CCT6B: variants seen among roughly 807,000 people sequenced by gnomAD.
CCT6B encodes the protein chaperonin containing TCP1 subunit 6B, also known as probable T-complex protein 1 subunit zeta-2.
Under a neutral mutation model 61.5 loss-of-function variants are expected in CCT6B, and 49 were observed. That is an observed-to-expected ratio of 0.80 (90% CI 0.63 to 1.01). The LOEUF is 1.01. Ranked by LOEUF, CCT6B falls within the 50% of genes least tolerant of loss-of-function variation. The pLI is 0.00. For missense variants in CCT6B, 666 were observed against 634.7 expected, an observed-to-expected ratio of 1.05 and a Z score of -0.53; for synonymous variants, 228 against 214.5, an observed-to-expected ratio of 1.06 and a Z score of -0.55.
rs200490442 is a variant in CCT6B, at chr17:34,928,925, T to G, written c.1523+37A>C. On this transcript the variant is annotated intron_variant, in intron 13 of 13. Coordinates refer to ENST00000314144, the MANE Select transcript of CCT6B (RefSeq NM_006584.4). ...TCATCTTAATATTATCAATTATAAC[T>G]CTACAGGTCTTTCACTTTATGTTCA... 10 of 1,137,956 alleles carry G rather than the reference T, an allele frequency of 8.8e-6. No individual in the cohort carries two copies. In the African/African-American group the frequency reaches 1.5e-4, roughly 18 times the overall value. 70.5% of individuals were successfully genotyped at this position (1,137,956 alleles called of 1,614,324 possible).
intron 9 of CCT6B, 40 bp from the exon 10 acceptor site, chr17:34,939,370 T>C (rs1020624501): frequency 1.3e-6 from 2 of 1,518,436 alleles, no homozygotes; most frequent in Non-Finnish European, 1.8e-6. Context: ...TAATATTTGA[T>C]GTCATTATAA....
At chr17:34,957,136 T>A (rs2090356404) in intron 3 of CCT6B, among the ~76,000 whole-genome samples, 2 of 125,760 alleles carry the variant, frequency 1.6e-5, no homozygotes, top group South Asian at 5.7e-4. Flanking sequence ...CTTTCCTTTT[T>A]CTTTCCATTT....
intron 4 of CCT6B, among the ~76,000 whole-genome samples, chr17:34,953,244 CAAT>C (rs923039108): frequency 6.6e-6 from 1 of 150,972 alleles, no homozygotes; most frequent in African/African-American, 2.4e-5. Flanking sequence ...AGCTGAAAAA[CAAT>C]AATGATATCA....
At chr17:34,929,988 T>G (rs2090017766) in intron 12 of CCT6B, among the ~76,000 whole-genome samples, 1 of 152,212 alleles carries the variant, frequency 6.6e-6, no homozygotes, top group Non-Finnish European at 1.5e-5. Context: ...CACAGTTGAT[T>G]GCAACTCCAA....
rs577930141 is a variant in CCT6B at position 34,930,985 on chromosome 17, C to G, written c.1414G>C (p.Glu472Gln). Residue 472 changes from glutamate (E) to glutamine (Q), a missense_variant, in exon 12 of 14, where the codon GAG becomes CAG. Coordinates refer to ENST00000314144, the MANE Select transcript of CCT6B (RefSeq NM_006584.4). Reference sequence around the variant, plus strand: ...TCTACGCCCACAAGTTGTTTTGACTCGACATGCTCAGCCTGAACTTTTACT... The same window carrying G: ...TCTACGCCCACAAGTTGTTTTGACTGGACATGCTCAGCCTGAACTTTTACT... Reference protein sequence around the residue: ...TLVKVQAEHVESKQLVGVDLN... With the variant: ...TLVKVQAEHVQSKQLVGVDLN... 1 of 1,605,666 alleles carries G rather than the reference C, an allele frequency of 6.2e-7. No individual in the cohort carries two copies. Among genetic ancestry groups the G allele is most frequent in the East Asian group, 2.2e-5 (1 of 44,684 alleles).
Position 34,932,378 on chromosome 17 carries a change from T to A in CCT6B, c.1336A>T (p.Ile446Phe), listed in dbSNP as rs569383605. The A allele has an allele frequency of 6.2e-7, 1 of 1,608,284 alleles. No homozygotes were observed. Among genetic ancestry groups the A allele is most frequent in the Admixed American group, 1.7e-5 (1 of 58,680 alleles). The change falls in exon 11 of 14, where the codon ATT becomes TTT. Residue 446 changes from isoleucine (I) to phenylalanine (F), a missense_variant. Ile to Phe is a conservative substitution (Grantham distance 21). Transcript: ENST00000314144. The stretch of plus-strand genomic sequence containing the variant: ...AAGGGTAGTTGTACCTTGGGAATAA[T>A]GAGTAAGGCATCAGCAAAAGCTTGG... ...GVQAFADALL[I>F]IPKVLAQNAG...
chr17:34,935,174 C>T (rs1370659750), intron 10 of CCT6B, among the ~76,000 whole-genome samples: 3 of 152,032 alleles, frequency 2.0e-5, no homozygotes, highest in Admixed American at 1.3e-4. Flanking sequence ...CTGTATGATT[C>T]CAATTATATG....
Position 34,940,207 on chromosome 17 carries a change from C to T in CCT6B, c.968+332G>A, listed in dbSNP as rs546730960. Among the ~76,000 whole-genome samples the T allele has an allele frequency of 2.0e-4, 31 of 152,164 alleles. No individual in the cohort carries two copies. The East Asian group carries it at 3.7e-3, about 18-fold the overall frequency. ...TCCCACTGCCCCAGCCCCTGGTAAC[C>T]GCCATTCTACTATCTACTTCTATGA... is the stretch of plus-strand genomic sequence containing the variant. On this transcript the variant is annotated intron_variant, in intron 8 of 13. Transcript: ENST00000314144.
intron 13 of CCT6B, among the ~76,000 whole-genome samples, 159 bp from the exon 14 acceptor site, chr17:34,928,276 T>C (rs1254989962): frequency 3.3e-5 from 5 of 149,460 alleles, no homozygotes; most frequent in Non-Finnish European, 7.4e-5. Flanking sequence ...AATGTCACCT[T>C]TTTTTTTTTT....
At chr17:34,930,464 T>G (rs1378357471) in intron 12 of CCT6B, among the ~76,000 whole-genome samples, 1 of 152,168 alleles carries the variant, frequency 6.6e-6, no homozygotes, top group Admixed American at 6.6e-5. Flanking sequence ...CCTAGAACAC[T>G]TAACCCCAGT....
At position 34,952,021 on chromosome 17, in the gene CCT6B, T is replaced by G; in HGVS notation, c.543A>C (p.Arg181Ser). ...VVVDSVLAVR[R>S]PGYPIDLFMV... ...TGAAGAGATCAATAGGGTAACCTGG[T>G]CTTCTAACAGCCAAAACAGAATCCA... Residue 181 changes from arginine (R) to serine (S), a missense_variant, in exon 5 of 14, where the codon AGA becomes AGC. Transcript: ENST00000314144. The G allele has an allele frequency of 6.2e-7, 1 of 1,609,766 alleles. No homozygotes were observed. Among genetic ancestry groups the G allele is most frequent in the Non-Finnish European group, 8.5e-7 (1 of 1,176,870 alleles).
chr17:34,958,643 C>T lies in CCT6B; in HGVS notation c.253G>A (p.Asp85Asn), dbSNP rs190998321. 6.2e-7 allele frequency: 1 copy of T among 1,603,082 alleles called. No homozygotes were observed. The highest frequency in any genetic ancestry group is 2.2e-5 in the East Asian group (1 of 44,560). Residue 85 changes from aspartate (D) to asparagine (N), a missense_variant, in exon 3 of 14, where the codon GAT (aspartate) becomes AAT (asparagine). Asp to Asn is a conservative substitution (Grantham distance 23). Coordinates refer to ENST00000314144, the MANE Select transcript of CCT6B (RefSeq NM_006584.4). ...SLIAKVATAQ[D>N]DVTGDGTTSN... ...GTAGTACCATCTCCTGTGACGTCATCCTGAGCTGTTGCTACTTTTGCTATC... is the reference window on the plus strand; with the variant it reads ...GTAGTACCATCTCCTGTGACGTCATTCTGAGCTGTTGCTACTTTTGCTATC...
At chr17:34,941,849 C>A (rs909140597) in intron 7 of CCT6B, among the ~76,000 whole-genome samples, 7 of 152,146 alleles carry the variant, frequency 4.6e-5, no homozygotes, top group Non-Finnish European at 5.9e-5. Context: ...CCAGCCTGCA[C>A]AACATGGCAA....
At position 34,942,605 on chromosome 17, in the gene CCT6B, T is replaced by C. The variant is rs771448445; in HGVS notation, c.764A>G (p.Glu255Gly). Residue 255 changes from glutamate to glycine, a missense_variant, in exon 7 of 14, where the codon GAG becomes GGG. Glu to Gly is a moderately conservative substitution (Grantham distance 98, BLOSUM62 -2). Coordinates refer to ENST00000314144, the MANE Select transcript of CCT6B (RefSeq NM_006584.4). ...NSGFFYKTAE[E>G]KEKLVKAERK... ...TTCAGCTTTTACCAATTTCTCTTTC[T>C]CTTCTGCAGTCTTATAAAAGAAACC... The C allele has an allele frequency of 6.2e-7, 1 of 1,601,776 alleles. No individual in the cohort carries two copies. The highest frequency in any genetic ancestry group is 1.8e-5 in the Admixed American group (1 of 56,770).
At chr17:34,937,367 T>C (rs1263245802) in intron 10 of CCT6B, among the ~76,000 whole-genome samples, 5 of 152,156 alleles carry the variant, frequency 3.3e-5, no homozygotes, top group Middle Eastern at 3.4e-3. Flanking sequence ...AACATTAAAA[T>C]AGACAAATGC....
chr17:34,945,752 A>G (rs2090216613), intron 5 of CCT6B, among the ~76,000 whole-genome samples: 1 of 152,204 alleles, frequency 6.6e-6, no homozygotes, highest in South Asian at 2.1e-4. Flanking sequence ...AACTGAGATC[A>G]GTCCTACTAT....
chr17:34,930,360 C>T (rs1028741657), intron 12 of CCT6B, among the ~76,000 whole-genome samples: 3 of 152,212 alleles, frequency 2.0e-5, no homozygotes, highest in Non-Finnish European at 4.4e-5. Context: ...GAGACTGGTC[C>T]AAATGCCCCT....
intron 5 of CCT6B, among the ~76,000 whole-genome samples, chr17:34,951,566 T>C (rs1298756481): frequency 6.6e-6 from 1 of 152,208 alleles, no homozygotes; most frequent in Non-Finnish European, 1.5e-5. Flanking sequence ...CCAGGCACAC[T>C]GTAACAACCT....
At chr17:34,951,893 A>C in intron 5 of CCT6B, 57 bp downstream of exon 5, 1 of 777,058 alleles carries the variant, frequency 1.3e-6, no homozygotes, top group Non-Finnish European at 2.1e-6. Context: ...AATTTAATAA[A>C]AGAATATCTT....
Sources: gnomAD v4.1 joint callset for allele counts (sites outside exome capture counted in the v4.1 genomes callset) on GRCh38, gnomAD v4.1.1 for gene constraint, MANE v1.5 for transcripts, NCBI Gene and HGNC (gene_info 2026-07-23, HGNC 2026-07-21) for gene names.